The following STK3 variants were observed in gnomAD, a reference collection of about 807,000 sequenced individuals.
STK3 encodes the protein serine/threonine-protein kinase 3.
Under a neutral mutation model 58.0 loss-of-function variants are expected in STK3, and 41 were observed. The ratio of observed to expected loss-of-function variants is 0.71; its 90% confidence interval spans 0.55 to 0.92. The LOEUF (loss-of-function observed/expected upper bound fraction) is 0.92, where lower values mean the gene tolerates loss of function less well. STK3 is among the 40% of genes least tolerant of loss of function. The pLI, the probability that STK3 is intolerant of heterozygous loss-of-function variation, is 0.00. For synonymous variants in STK3, 170 were observed against 191.0 expected, an observed-to-expected ratio of 0.89 and a Z score of 0.91; for missense variants, 479 against 602.7, an observed-to-expected ratio of 0.79 and a Z score of 2.15.
chr8:98,428,689 G>A lies in STK3; in HGVS notation n.483+5438C>T, dbSNP rs1374307438. On this transcript the variant is annotated intron_variant and non_coding_transcript_variant, in intron 3 of 3. Transcript: ENST00000517832. This position sits in a 1 kb window ranked among gnomAD's most constrained non-coding sequence, Gnocchi z 6.7. ...ATCGTGGAGCACTTTGGCATTGCCTGGTTCACATTTGAGCTGGTGGCCAGG... is the reference window on the plus strand; with the variant it reads ...ATCGTGGAGCACTTTGGCATTGCCTAGTTCACATTTGAGCTGGTGGCCAGG... The A allele has an allele frequency of 1.9e-6, 3 of 1,614,220 alleles. No homozygotes were observed. The highest frequency in any genetic ancestry group is 2.2e-5 in the South Asian group (2 of 91,080).
chr8:98,767,182 ATATTT>A, intron 3 of STK3, 56 bp downstream of exon 3: 1 of 1,467,734 alleles, frequency 6.8e-7, no homozygotes, highest in Non-Finnish European at 9.0e-7. Context: ...AAATTTTGTT[ATATTT>A]TATTAGCAAA....
In STK3 at chr8:98,773,664, G is replaced by A. The variant is rs969733875; in HGVS notation, c.107+1075C>T. Among the ~76,000 whole-genome samples the A allele has an allele frequency of 2.0e-5, 3 of 151,868 alleles. No individual in the cohort carries two copies. In the South Asian group the frequency reaches 6.2e-4, roughly 32 times the overall value. ...TTGCATCTCCTATAAACAGAATATA[G>A]GTAGATTTCGCATGTTCATTTACTC... On this transcript the variant is annotated intron_variant, in intron 2 of 10. Transcript: ENST00000419617.
intron 1 of STK3, among the ~76,000 whole-genome samples, chr8:98,820,069 G>A (rs546836481): frequency 6.6e-6 from 1 of 152,062 alleles, no homozygotes; most frequent in Non-Finnish European, 1.5e-5. Flanking sequence ...TTCTCAACCC[G>A]ATCCCTTTGC....
chr8:98,826,226 GA>G (rs2131766814), upstream of STK3, among the ~76,000 whole-genome samples: 1 of 152,334 alleles, frequency 6.6e-6, no homozygotes, highest in Admixed American at 6.5e-5. Flanking sequence ...AACATCGTGT[GA>G]ATCCGTTTGA....
At chr8:98,382,810 C>G (rs986918053) in intron 1 of STK3, among the ~76,000 whole-genome samples, 1 of 152,208 alleles carries the variant, frequency 6.6e-6, no homozygotes, top group African/African-American at 2.4e-5. Flanking sequence ...CCAACTGATA[C>G]GGCCGGTTCC....
chr8:98,748,270 T>G (rs1829766285), intron 4 of STK3, among the ~76,000 whole-genome samples: 1 of 152,150 alleles, frequency 6.6e-6, no homozygotes, highest in Non-Finnish European at 1.5e-5. Context: ...AATCATCTGA[T>G]TTACATAAAT....
chr8:98,541,150 C>T (rs1271752760), intron 9 of STK3, among the ~76,000 whole-genome samples: 1 of 152,122 alleles, frequency 6.6e-6, no homozygotes, highest in African/African-American at 2.4e-5. Flanking sequence ...CTAGGCTTTC[C>T]ATTGATTTTC....
intron 6 of STK3, among the ~76,000 whole-genome samples, chr8:98,703,724 C>A (rs1347534776): frequency 6.6e-6 from 1 of 152,094 alleles, no homozygotes; most frequent in East Asian, 1.9e-4. Flanking sequence ...TCATTAAAAC[C>A]CAAACCCTCC....
Position 98,477,703 on chromosome 8 carries a change from GGGGGGGGGGGGGGTGGGC to G in STK3, c.1318-21721_1318-21704del, listed in dbSNP as rs1220644484. Among the ~76,000 whole-genome samples the G allele has an allele frequency of 1.4e-3, 35 of 24,950 alleles. 6 individuals are homozygous for G. In the East Asian group the frequency reaches 0.028, roughly 20 times the overall value. The allele number at this position is 24,950 out of a possible 152,430, so 16.4% of individuals were successfully genotyped here. On this transcript the variant is annotated intron_variant, in intron 10 of 10. Coordinates refer to ENST00000419617, the MANE Select transcript of STK3 (RefSeq NM_006281.4). Reference sequence around the variant, plus strand: ...GCCTCGCATAATCATCACACTTGGCGGGGGGGGGGGGGGTGGGCGGGGGGGGGCCCTAATGAAGGCAAG... The same window carrying G: ...GCCTCGCATAATCATCACACTTGGCGGGGGGGGGGCCCTAATGAAGGCAAG...
intron 3 of STK3, chr8:98,427,359 C>A (rs1286852746): frequency 6.6e-6 from 1 of 152,004 alleles, no homozygotes; most frequent in African/African-American, 2.4e-5. Context: ...GCAGGGCGAG[C>A]CCGGGCAGCC....
intron 1 of STK3, chr8:98,889,839 C>T (rs1296480087): frequency 6.6e-6 from 1 of 152,182 alleles, no homozygotes; most frequent in Non-Finnish European, 1.5e-5. Flanking sequence ...TAGCAAGTTC[C>T]ACCGGTTCTG....
chr8:98,794,217 G>C (rs557672302), intron 1 of STK3, among the ~76,000 whole-genome samples: 1 of 151,908 alleles, frequency 6.6e-6, no homozygotes, highest in African/African-American at 2.4e-5. Context: ...ACAAAGGATC[G>C]ATGAAACAAA....
chr8:98,447,733 A>T (rs1174086953), intron 1 of STK3, among the ~76,000 whole-genome samples: 1 of 148,042 alleles, frequency 6.8e-6, no homozygotes, highest in Non-Finnish European at 1.5e-5. Flanking sequence ...ATTATGTTGC[A>T]TGTATTTGTA....
chr8:98,627,790 GT>G (rs749751686), intron 6 of STK3, among the ~76,000 whole-genome samples: 1 of 152,170 alleles, frequency 6.6e-6, no homozygotes, highest in Non-Finnish European at 1.5e-5. Context: ...TTACATCTAT[GT>G]TTACTACCAA....
chr8:98,362,605 C>T, the STK3 span, among the ~76,000 whole-genome samples: 1 of 152,196 alleles, frequency 6.6e-6, no homozygotes, highest in Admixed American at 6.5e-5. Context: ...AGGTGGATTG[C>T]CAGGAATGTC....
chr8:98,446,767 A>G (rs1401490921), intron 1 of STK3, among the ~76,000 whole-genome samples: 1 of 152,188 alleles, frequency 6.6e-6, no homozygotes, highest in African/African-American at 2.4e-5. Flanking sequence ...AAATCATTCT[A>G]CCATAAAGAC....
chr8:98,437,377 C>T (rs745410199), intron 1 of STK3: 5 of 152,224 alleles, frequency 3.3e-5, no homozygotes, highest in African/African-American at 7.2e-5. Flanking sequence ...CAGGGATGAC[C>T]GAGCCTGTGC....
In STK3 at chr8:98,897,284, G is replaced by T. The variant is rs562102023; in HGVS notation, c.-78-13450C>A. ...AAAAGAAATGTCTTTTTGGCCGGGC[G>T]TGGGGGCTCACGCCTGTAATCCTAG... On this transcript the variant is annotated intron_variant, in intron 1 of 1. Transcript: ENST00000519420. 8.5e-5 allele frequency among the ~76,000 whole-genome samples: 13 copies of T among 152,286 alleles called. No homozygotes were observed. In the South Asian group the frequency reaches 2.7e-3, roughly 32 times the overall value.
At chr8:98,899,423 T>C (rs1380665617) in intron 1 of STK3, among the ~76,000 whole-genome samples, 3 of 152,246 alleles carry the variant, frequency 2.0e-5, no homozygotes, top group African/African-American at 7.2e-5. Flanking sequence ...AAATTGTATC[T>C]ATACTGAATA....
Sources: allele counts gnomAD v4.1 joint callset (sites outside exome capture counted in the v4.1 genomes callset), GRCh38; gene constraint gnomAD v4.1.1; non-coding constraint Gnocchi (gnomAD v3.1); transcripts MANE v1.5; gene names NCBI Gene and HGNC (gene_info 2026-07-23, HGNC 2026-07-21).